HS6ST3: variants seen among roughly 807,000 people sequenced by gnomAD.
The protein encoded by HS6ST3 is heparan-sulfate 6-O-sulfotransferase 3.
In HS6ST3, 12 loss-of-function variants were observed where a neutral mutation model predicts 36.7. The observed-to-expected ratio is 0.33, with a 90% CI of 0.21 to 0.53. The LOEUF is 0.53. Among genes scored for constraint, HS6ST3 ranks in the 20% least tolerant of loss-of-function variants. The pLI, the probability that HS6ST3 is intolerant of heterozygous loss-of-function variation, is 0.95. For missense variants in HS6ST3, 584 were observed against 640.9 expected (o/e 0.91, Z 0.96); for synonymous variants, 240 against 257.5 (o/e 0.93, Z 0.65).
intron 1 of HS6ST3, among the ~76,000 whole-genome samples, chr13:96,295,918 G>A (rs1410891592): frequency 2.6e-5 from 4 of 151,998 alleles, no homozygotes; most frequent in Admixed American, 6.6e-5. Context: ...ACTTTGCTTC[G>A]TTGGGAGACA....
chr13:96,220,497 G>A (rs1441400829), intron 1 of HS6ST3, among the ~76,000 whole-genome samples: 2 of 152,084 alleles, frequency 1.3e-5, no homozygotes, highest in Non-Finnish European at 2.9e-5. Flanking sequence ...GCTCTAATTA[G>A]CAATGACAGA....
chr13:96,418,849 C>T (rs1004010532), intron 1 of HS6ST3, among the ~76,000 whole-genome samples: 2 of 152,222 alleles, frequency 1.3e-5, no homozygotes, highest in Non-Finnish European at 2.9e-5. Context: ...TTCACTGGGT[C>T]ATTCCACGCT....
chr13:96,612,070 G>A (rs2056458873), intron 1 of HS6ST3, among the ~76,000 whole-genome samples: 1 of 152,172 alleles, frequency 6.6e-6, no homozygotes, highest in African/African-American at 2.4e-5. Flanking sequence ...ATAAAAGAGA[G>A]AGGAAGAACT....
At chr13:96,525,163 G>C (rs1169293006) in intron 1 of HS6ST3, among the ~76,000 whole-genome samples, 1 of 152,062 alleles carries the variant, frequency 6.6e-6, no homozygotes, top group Non-Finnish European at 1.5e-5. Context: ...AAAATGTTTG[G>C]ATAAGAAATA....
At chr13:96,186,602 A>G (rs1305468676) in intron 1 of HS6ST3, among the ~76,000 whole-genome samples, 1 of 152,216 alleles carries the variant, frequency 6.6e-6, no homozygotes, top group Non-Finnish European at 1.5e-5. Flanking sequence ...AGCCTCATCT[A>G]AAGATATTTG....
intron 1 of HS6ST3, among the ~76,000 whole-genome samples, chr13:96,802,001 C>T (rs534097822): frequency 5.3e-5 from 8 of 152,234 alleles, no homozygotes; most frequent in African/African-American, 7.2e-5. Flanking sequence ...CAATTCTCCC[C>T]ATCATTGCCA....
intron 1 of HS6ST3, among the ~76,000 whole-genome samples, chr13:96,309,295 G>C (rs2054928844): frequency 6.6e-6 from 1 of 152,104 alleles, no homozygotes. Context: ...TAGGCATAGA[G>C]AGTGTTCAAT....
chr13:96,127,983 A>G (rs945608425), intron 1 of HS6ST3, among the ~76,000 whole-genome samples: 1 of 152,092 alleles, frequency 6.6e-6, no homozygotes, highest in Non-Finnish European at 1.5e-5. Flanking sequence ...AAGTATATAT[A>G]CCCAACCCTA....
At chr13:96,313,119 T>C (rs1378106521) in intron 1 of HS6ST3, among the ~76,000 whole-genome samples, 1 of 152,094 alleles carries the variant, frequency 6.6e-6, no homozygotes, top group African/African-American at 2.4e-5. Flanking sequence ...TGTTTGCCTG[T>C]AGACTATTTC....
chr13:96,564,758 A>G lies in HS6ST3; in HGVS notation c.708-267732A>G, dbSNP rs115031377. On this transcript the variant is annotated intron_variant, in intron 1 of 1. Coordinates refer to ENST00000376705, the MANE Select transcript of HS6ST3 (RefSeq NM_153456.4). ...CCTCATGACCCTAAATAAATACACA[A>G]TTGACCACTGGAATAGTCCTCAAAT... 7.2e-3 allele frequency among the ~76,000 whole-genome samples: 1,103 copies of G among 152,278 alleles called. 16 individuals are homozygous for G. The highest frequency in any genetic ancestry group is 0.026 in the African/African-American group (1,062 of 41,548).
At chr13:96,112,578 A>AATATACATATACATATAT in intron 1 of HS6ST3, among the ~76,000 whole-genome samples, 1 of 81,248 alleles carries the variant, frequency 1.2e-5, no homozygotes, top group East Asian at 4.1e-4. Flanking sequence ...AAAATAAATA[A>AATATACATATACATATAT]ATATATATAT....
At position 96,164,552 on chromosome 13, in the gene HS6ST3, G is replaced by T. The variant is rs551744793; in HGVS notation, c.707+72983G>T. Among the ~76,000 whole-genome samples, 44 of 147,924 alleles carry T rather than the reference G, an allele frequency of 3.0e-4. 1 individual carries two copies. The South Asian group carries it at 9.0e-3, about 30-fold the overall frequency. On this transcript the variant is annotated intron_variant, in intron 1 of 1. Transcript: ENST00000376705. ...AGCCTGGGAGACAGAATGAGACCCT[G>T]CCTGAAAAAAAAAAAAAAGATTATC...
At chr13:96,542,312 C>T (rs1174685370) in intron 1 of HS6ST3, among the ~76,000 whole-genome samples, 1 of 152,180 alleles carries the variant, frequency 6.6e-6, no homozygotes, top group African/African-American at 2.4e-5. Flanking sequence ...GGACATGCTC[C>T]TGGTGGGTAG....
At chr13:96,543,064 T>C (rs1412615740) in intron 1 of HS6ST3, among the ~76,000 whole-genome samples, 1 of 152,176 alleles carries the variant, frequency 6.6e-6, no homozygotes, top group Non-Finnish European at 1.5e-5. Context: ...ATGCATCACA[T>C]ACCATGTCCC....
intron 1 of HS6ST3, among the ~76,000 whole-genome samples, chr13:96,601,098 C>T (rs1346912760): frequency 6.6e-6 from 1 of 152,052 alleles, no homozygotes; most frequent in East Asian, 1.9e-4. Flanking sequence ...TCTTAGAATT[C>T]TTTTTTCCAT....
intron 1 of HS6ST3, among the ~76,000 whole-genome samples, chr13:96,727,546 T>A (rs923600711): frequency 6.6e-6 from 1 of 152,144 alleles, no homozygotes; most frequent in Non-Finnish European, 1.5e-5. Flanking sequence ...AAATAAAGAT[T>A]GTAATCATAT....
chr13:96,474,835 G>A (rs1207428063), intron 1 of HS6ST3, among the ~76,000 whole-genome samples: 1 of 152,282 alleles, frequency 6.6e-6, no homozygotes, highest in Non-Finnish European at 1.5e-5. Flanking sequence ...GGATTGCTCT[G>A]TCTGTATTAA....
chr13:96,789,581 T>A (rs1197921628), intron 1 of HS6ST3, among the ~76,000 whole-genome samples: 1 of 151,950 alleles, frequency 6.6e-6, no homozygotes, highest in African/African-American at 2.4e-5. Flanking sequence ...ATAACTTTTT[T>A]ATTTTACAGC....
At chr13:96,430,009 T>C (rs2055607052) in intron 1 of HS6ST3, among the ~76,000 whole-genome samples, 2 of 152,238 alleles carry the variant, frequency 1.3e-5, no homozygotes, top group South Asian at 4.1e-4. Flanking sequence ...ATTCATAGAA[T>C]CTAAATTGAC....
Sources: gnomAD v4.1 joint callset for allele counts (sites outside exome capture counted in the v4.1 genomes callset) on GRCh38, gnomAD v4.1.1 for gene constraint, MANE v1.5 for transcripts, NCBI Gene and HGNC (gene_info 2026-07-23, HGNC 2026-07-21) for gene names.